Variants in MGAT4C observed in about 807,000 individuals in gnomAD.
MGAT4C encodes the protein alpha-1,3-mannosyl-glycoprotein 4-beta-N-acetylglucosaminyltransferase C.
In MGAT4C, 19 loss-of-function variants were observed where a neutral mutation model predicts 40.1. The observed-to-expected ratio is 0.47, with a 90% confidence interval of 0.33 to 0.70. MGAT4C has a LOEUF of 0.70. MGAT4C is among the 30% of genes least tolerant of loss of function. The probability of loss-of-function intolerance (pLI) is 0.02; values close to 1 mark genes in which losing one functional copy is unlikely to be tolerated. For missense variants in MGAT4C, 491 were observed against 563.2 expected (o/e 0.87, Z 1.30); for synonymous variants, 181 against 187.1 (o/e 0.97, Z 0.27).
intron 4 of MGAT4C, among the ~76,000 whole-genome samples, chr12:86,263,189 T>C (rs1438030349): frequency 6.6e-6 from 1 of 152,096 alleles, no homozygotes; most frequent in Admixed American, 6.5e-5. Flanking sequence ...AAATTTTTAT[T>C]TGTGTAAATT....
intron 2 of MGAT4C, among the ~76,000 whole-genome samples, chr12:86,721,343 G>T (rs1241543006): frequency 6.6e-6 from 1 of 151,604 alleles, no homozygotes; most frequent in Admixed American, 6.6e-5. Flanking sequence ...TTAATTAGAA[G>T]AAACATAATT....
chr12:86,004,374 T>C (rs1395707184), intron 2 of MGAT4C, among the ~76,000 whole-genome samples: 4 of 152,186 alleles, frequency 2.6e-5, no homozygotes, highest in African/African-American at 9.6e-5. Context: ...TATTATTGTA[T>C]GCCTCAAAAA....
chr12:86,756,300 T>A lies in MGAT4C; in HGVS notation c.-261-29059A>T, dbSNP rs527292145. Among the ~76,000 whole-genome samples, 7 of 152,232 alleles carry A rather than the reference T, an allele frequency of 4.6e-5. No homozygotes were observed. The South Asian group carries it at 1.4e-3, about 31-fold the overall frequency. On this transcript the variant is annotated intron_variant, in intron 1 of 7. Transcript: ENST00000548651. ...TAAAGTTCTCTGGTATCTCTTCTTA[T>A]AAAGGAACTGATCCCATCATGTGAG...
chr12:86,299,529 A>G (rs1438075028), intron 4 of MGAT4C, among the ~76,000 whole-genome samples: 1 of 152,204 alleles, frequency 6.6e-6, no homozygotes, highest in African/African-American at 2.4e-5. Context: ...TTGGGTCAAT[A>G]GAGACAAACA....
intron 2 of MGAT4C, among the ~76,000 whole-genome samples, chr12:86,502,935 G>A (rs1958385634): frequency 6.4e-5 from 1 of 15,682 alleles, no homozygotes; most frequent in Non-Finnish European, 1.1e-4. Context: ...ATATATATAT[G>A]AGTTCTGCTC....
rs909897354 is a variant in MGAT4C, at chr12:85,957,080, A to G, written c.*22209T>C. On this transcript the variant is annotated 3_prime_UTR_variant, in exon 5 of 5. Coordinates refer to ENST00000611864, the MANE Select transcript of MGAT4C (RefSeq NM_001351288.2). Reference sequence around the variant, plus strand: ...CTTTGCTGCTGGCAAAGCTTTAAAAATATGTTATTATTTTGTTATTATCTA... The same window carrying G: ...CTTTGCTGCTGGCAAAGCTTTAAAAGTATGTTATTATTTTGTTATTATCTA... The G allele has an allele frequency of 6.6e-6, 1 of 152,196 alleles. No homozygotes were observed. The highest frequency in any genetic ancestry group is 1.5e-5 in the Non-Finnish European group (1 of 68,030). The allele number at this position is 152,196 out of a possible 1,614,324, so 9.4% of individuals were successfully genotyped here.
chr12:85,996,636 T>G (rs576880162), intron 2 of MGAT4C, among the ~76,000 whole-genome samples: 75 of 152,282 alleles, frequency 4.9e-4, no homozygotes, highest in Non-Finnish European at 9.4e-4. Context: ...AAAGCTGGAC[T>G]GGGTATATTA....
Position 86,643,838 on chromosome 12 carries a change from A to C in MGAT4C, c.-229+83371T>G, listed in dbSNP as rs146148576. On this transcript the variant is annotated intron_variant, in intron 2 of 7. Transcript: ENST00000548651. ...GGTGAATTTGTTGTTTTGTGAATTA[A>C]TCTCAATAGGCATAAAGTGATTATT... 8.7e-3 allele frequency among the ~76,000 whole-genome samples: 1,319 copies of C among 151,892 alleles called. 8 individuals carry two copies. The highest frequency in any genetic ancestry group is 0.017 in the Middle Eastern group (5 of 292).
intron 2 of MGAT4C, among the ~76,000 whole-genome samples, chr12:86,558,118 CA>C (rs989185554): frequency 2.6e-5 from 4 of 151,684 alleles, no homozygotes; most frequent in African/African-American, 7.3e-5. Flanking sequence ...AGATCAATCA[CA>C]AAAAAATTCT....
At chr12:86,369,547 A>G (rs1320257942) in intron 3 of MGAT4C, among the ~76,000 whole-genome samples, 30 of 151,992 alleles carry the variant, frequency 2.0e-4, no homozygotes, top group Admixed American at 2.0e-3. Context: ...AAAATTGCTT[A>G]TAGTTATAAC....
intron 2 of MGAT4C, among the ~76,000 whole-genome samples, chr12:86,721,677 C>T (rs1463674754): frequency 6.6e-6 from 1 of 152,000 alleles, no homozygotes; most frequent in African/African-American, 2.4e-5. Context: ...TTTGATTATT[C>T]TATGGGGTGG....
intron 1 of MGAT4C, among the ~76,000 whole-genome samples, chr12:86,743,835 C>A (rs886416612): frequency 1.3e-5 from 2 of 151,512 alleles, no homozygotes; most frequent in Non-Finnish European, 3.0e-5. Flanking sequence ...TTTTATTTTT[C>A]ACAGTTAAGT....
At chr12:86,373,047 AT>A (rs1437904099) in intron 3 of MGAT4C, among the ~76,000 whole-genome samples, 1 of 151,556 alleles carries the variant, frequency 6.6e-6, no homozygotes, top group Non-Finnish European at 1.5e-5. Flanking sequence ...ACAATTATTT[AT>A]ATAACTTCAG....
chr12:85,985,298 G>T (rs558187633), intron 3 of MGAT4C, among the ~76,000 whole-genome samples: 1 of 152,048 alleles, frequency 6.6e-6, no homozygotes, highest in Non-Finnish European at 1.5e-5. Flanking sequence ...CATCAATCTC[G>T]AGTGACAATG....
intron 2 of MGAT4C, among the ~76,000 whole-genome samples, chr12:86,471,955 C>T (rs987319769): frequency 6.6e-6 from 1 of 152,016 alleles, no homozygotes; most frequent in Non-Finnish European, 1.5e-5. Context: ...CAGTTTTTAT[C>T]ATATAAACAT....
intron 1 of MGAT4C, among the ~76,000 whole-genome samples, chr12:86,751,410 C>T (rs963292887): frequency 2.6e-5 from 4 of 151,866 alleles, no homozygotes; most frequent in Non-Finnish European, 4.4e-5. Flanking sequence ...TGTAAAAATC[C>T]AATATCCTAT....
intron 2 of MGAT4C, among the ~76,000 whole-genome samples, chr12:86,529,736 T>G (rs1009973437): frequency 6.6e-6 from 1 of 151,994 alleles, no homozygotes; most frequent in African/African-American, 2.4e-5. Context: ...TTATTATTAT[T>G]TTTTAGTTTT....
intron 3 of MGAT4C, among the ~76,000 whole-genome samples, chr12:86,373,080 A>G (rs192885773): frequency 1.5e-3 from 228 of 151,868 alleles, no homozygotes; most frequent in Non-Finnish European, 2.7e-3. Context: ...ATTTTGATAT[A>G]TTAACTCATT....
At chr12:86,549,081 G>A (rs956717084) in intron 2 of MGAT4C, among the ~76,000 whole-genome samples, 1 of 151,996 alleles carries the variant, frequency 6.6e-6, no homozygotes, top group Non-Finnish European at 1.5e-5. Context: ...CTTAAAACCA[G>A]ATAAGGTATA....
Sources: allele counts gnomAD v4.1 joint callset (sites outside exome capture counted in the v4.1 genomes callset), GRCh38; gene constraint gnomAD v4.1.1; transcripts MANE v1.5; gene names NCBI Gene and HGNC (gene_info 2026-07-23, HGNC 2026-07-21).